The following TGFB2 variants were observed in gnomAD, a reference collection of about 807,000 sequenced individuals.
TGFB2 encodes the protein transforming growth factor beta 2.
Under a neutral mutation model 42.7 loss-of-function variants are expected in TGFB2, and 13 were observed. The ratio of observed to expected loss-of-function variants is 0.30; its 90% CI spans 0.20 to 0.48. TGFB2 has a LOEUF of 0.48. TGFB2 is among the 20% of genes least tolerant of loss of function. TGFB2 has a pLI of 0.99. For synonymous variants in TGFB2, 193 were observed against 193.6 expected (o/e 1.00, Z 0.03); for missense variants, 390 against 517.5 (o/e 0.75, Z 2.39).
intron 2 of TGFB2, among the ~76,000 whole-genome samples, chr1:218,409,249 T>G (rs1318028055): frequency 6.6e-6 from 1 of 152,218 alleles, no homozygotes; most frequent in African/African-American, 2.4e-5. Context: ...GTTGGGGACT[T>G]CTGCTTTAGA....
At chr1:218,412,071 C>T (rs548291517) in intron 2 of TGFB2, among the ~76,000 whole-genome samples, 3 of 152,184 alleles carry the variant, frequency 2.0e-5, no homozygotes, top group Non-Finnish European at 2.9e-5. Flanking sequence ...AATAGTCAGC[C>T]GACTGTGAGT....
At chr1:218,366,090 A>G (rs182209950) in intron 1 of TGFB2, among the ~76,000 whole-genome samples, 6 of 152,296 alleles carry the variant, frequency 3.9e-5, no homozygotes, top group Non-Finnish European at 7.4e-5. Flanking sequence ...TTTCAAGCTT[A>G]TTATCCCCAA....
intron 1 of TGFB2, among the ~76,000 whole-genome samples, chr1:218,379,130 C>CTTTTTT (rs61674773): frequency 6.0e-4 from 86 of 143,974 alleles, no homozygotes; most frequent in Middle Eastern, 7.2e-3. Context: ...TTCTTTCTTT[C>CTTTTTT]TTTTTTTTTT....
chr1:218,432,172 G>A (rs941813652), intron 2 of TGFB2, among the ~76,000 whole-genome samples: 4 of 152,182 alleles, frequency 2.6e-5, no homozygotes, highest in Non-Finnish European at 5.9e-5. Flanking sequence ...CATTGGGCAA[G>A]TTAGTTAACC....
At chr1:218,384,226 G>A (rs1339356903) in intron 1 of TGFB2, among the ~76,000 whole-genome samples, 2 of 152,106 alleles carry the variant, frequency 1.3e-5, no homozygotes, top group Non-Finnish European at 2.9e-5. Flanking sequence ...TGGGTTAAAA[G>A]TTATAATCAT....
chr1:218,355,554 G>A (rs927002022), intron 1 of TGFB2, among the ~76,000 whole-genome samples: 1 of 152,180 alleles, frequency 6.6e-6, no homozygotes, highest in African/African-American at 2.4e-5. Context: ...GCTTCCTACC[G>A]AATTCAGATC....
rs1462568039 is a variant in TGFB2, at chr1:218,434,186, T to C, written c.615T>C (p.Asp205=). 6.2e-6 allele frequency: 10 copies of C among 1,614,178 alleles called. No individual in the cohort carries two copies. Among genetic ancestry groups the C allele is most frequent in the Non-Finnish European group, 8.5e-6 (10 of 1,180,010 alleles). ...EGEWLSFDVT[D]AVHEWLHHKD... is the part of the protein sequence containing the mutation. ...AATGGCTCTCCTTCGATGTAACTGA[T>C]GCTGTTCATGAATGGCTTCACCATA... The change falls in exon 3 of 7, where the codon GAT becomes GAC. Residue 205 remains aspartate, a synonymous_variant. Coordinates refer to ENST00000366930, the MANE Select transcript of TGFB2 (RefSeq NM_003238.6).
chr1:218,375,764 G>A lies in TGFB2; in HGVS notation c.346+28717G>A, dbSNP rs550132748. On this transcript the variant is annotated intron_variant, in intron 1 of 6. Coordinates refer to ENST00000366930, the MANE Select transcript of TGFB2 (RefSeq NM_003238.6). ...TATTGGAGATAGTATTTTAAAATACGGGATATTGAGGGAGGAGGGAGAGCA... is the reference window on the plus strand; with the variant it reads ...TATTGGAGATAGTATTTTAAAATACAGGATATTGAGGGAGGAGGGAGAGCA... Among the ~76,000 whole-genome samples, 12 of 152,114 alleles carry A rather than the reference G, an allele frequency of 7.9e-5. No individual in the cohort carries two copies. The South Asian group carries it at 8.3e-4, about 11-fold the overall frequency.
In TGFB2 at chr1:218,346,562, ATTGT is replaced by A; in HGVS notation, c.-136_-133del. The A allele has an allele frequency of 7.2e-6, 5 of 695,718 alleles. No homozygotes were observed. The allele number at this position is 695,718 out of a possible 1,614,324, so 43.1% of individuals were successfully genotyped here. A position where few individuals can be genotyped will look rare whatever the true frequency, so the allele number is the denominator to read the frequency against. ...CGTTTTTCTGTTGGGCATTGACTAG[ATTGT>A]TTGCAAAAGTTTCGCATCAAAAACA... is the stretch of plus-strand genomic sequence containing the variant. On this transcript the variant is annotated 5_prime_UTR_variant, in exon 1 of 7. Coordinates refer to ENST00000366930, the MANE Select transcript of TGFB2 (RefSeq NM_003238.6). The surrounding 1 kb of genome is among the most constrained non-coding windows in gnomAD (Gnocchi z 4.9).
chr1:218,358,623 A>G (rs1351729356), intron 1 of TGFB2, among the ~76,000 whole-genome samples: 1 of 142,684 alleles, frequency 7.0e-6, no homozygotes, highest in Admixed American at 7.5e-5. Flanking sequence ...ATTTCAGCTC[A>G]CTGCAAGCTC....
chr1:218,389,833 A>G (rs982008473), intron 1 of TGFB2, among the ~76,000 whole-genome samples: 1 of 152,212 alleles, frequency 6.6e-6, no homozygotes, highest in Admixed American at 6.5e-5. Flanking sequence ...TTAAGAGTAG[A>G]TTAGTGAAAC....
At chr1:218,427,581 G>C (rs543368297) in intron 2 of TGFB2, among the ~76,000 whole-genome samples, 1 of 152,066 alleles carries the variant, frequency 6.6e-6, no homozygotes, top group Non-Finnish European at 1.5e-5. Flanking sequence ...GAGAACATGC[G>C]GTGTTTGGTT....
intron 2 of TGFB2, 84 bp from the exon 3 acceptor site, chr1:218,433,998 A>C: frequency 1.3e-6 from 2 of 1,556,316 alleles, no homozygotes; most frequent in South Asian, 2.4e-5. Context: ...TAGGTAATGA[A>C]TTAGAACACT....
Position 218,436,360 on chromosome 1 carries a change from A to G in TGFB2, c.932+213A>G, listed in dbSNP as rs6684205. Reference sequence around the variant, plus strand: ...AACCAAGTGTGAAGGGAGAAAACTAACCCCCTGAATTTTTTCCCCAAAATT... The same window carrying G: ...AACCAAGTGTGAAGGGAGAAAACTAGCCCCCTGAATTTTTTCCCCAAAATT... On this transcript the variant is annotated intron_variant, in intron 5 of 6. Coordinates refer to ENST00000366930, the MANE Select transcript of TGFB2 (RefSeq NM_003238.6). 0.38 allele frequency among the ~76,000 whole-genome samples: 57,037 copies of G among 151,930 alleles called. 11,619 individuals are homozygous for G. Among genetic ancestry groups the G allele is most frequent in the East Asian group, 0.72 (3,688 of 5,136 alleles).
At chr1:218,406,470 T>G (rs1387754965) in intron 2 of TGFB2, among the ~76,000 whole-genome samples, 1 of 152,182 alleles carries the variant, frequency 6.6e-6, no homozygotes, top group African/African-American at 2.4e-5. Flanking sequence ...AGAATCCCCA[T>G]TTTAACAAGA....
intron 2 of TGFB2, among the ~76,000 whole-genome samples, chr1:218,416,966 C>G (rs1322538807): frequency 6.6e-6 from 1 of 152,222 alleles, no homozygotes; most frequent in Admixed American, 6.5e-5. Context: ...TCCCTAGCCA[C>G]ATGGAACTGT....
intron 1 of TGFB2, among the ~76,000 whole-genome samples, chr1:218,402,643 CGT>C (rs1658765252): frequency 6.6e-6 from 1 of 152,080 alleles, no homozygotes; most frequent in Non-Finnish European, 1.5e-5. Flanking sequence ...TTGAGGCAGG[CGT>C]GTGTGAAAGA....
intron 2 of TGFB2, among the ~76,000 whole-genome samples, chr1:218,415,421 G>A (rs563783316): frequency 5.3e-5 from 8 of 152,072 alleles, no homozygotes; most frequent in South Asian, 4.2e-4. Flanking sequence ...CAGGCCGGGC[G>A]CGGTGGCTCA....
chr1:218,364,671 G>A (rs560838361), intron 1 of TGFB2, among the ~76,000 whole-genome samples: 19 of 152,254 alleles, frequency 1.2e-4, no homozygotes, highest in African/African-American at 4.3e-4. Context: ...ATTCTGCAAT[G>A]TATCATGCCT....
Sources: allele counts gnomAD v4.1 joint callset (sites outside exome capture counted in the v4.1 genomes callset), GRCh38; gene constraint gnomAD v4.1.1; non-coding constraint Gnocchi (gnomAD v3.1); transcripts MANE v1.5; gene names NCBI Gene and HGNC (gene_info 2026-07-23, HGNC 2026-07-21).